The following HDAC4 variants were observed in gnomAD, a reference collection of about 807,000 sequenced individuals.
The protein encoded by HDAC4 is histone deacetylase A.
In HDAC4, 16 loss-of-function variants were observed where a neutral mutation model predicts 135.1. The observed-to-expected ratio is 0.12, with a 90% CI of 0.08 to 0.18. The LOEUF is 0.18. Ranked by LOEUF, HDAC4 falls within the 10% of genes least tolerant of loss-of-function variation. The pLI, the probability that HDAC4 is intolerant of heterozygous loss-of-function variation, is 1.00. For missense variants in HDAC4, 1,143 were observed against 1,511.8 expected (o/e 0.76, Z 4.05); for synonymous variants, 685 against 653.4 (o/e 1.05, Z -0.74).
intron 8 of HDAC4, 150 bp downstream of exon 8, chr2:239,144,433 C>T: frequency 9.4e-7 from 1 of 1,062,560 alleles, no homozygotes; most frequent in Non-Finnish European, 1.4e-6. Context: ...GGGCCTGGCA[C>T]TTCCAGCGCC....
At chr2:239,382,087 A>G (rs1695459760) in intron 1 of HDAC4, among the ~76,000 whole-genome samples, 1 of 152,222 alleles carries the variant, frequency 6.6e-6, no homozygotes, top group Admixed American at 6.5e-5. Flanking sequence ...TGGGATCTCC[A>G]TATTCCTCAG....
In HDAC4 at chr2:239,352,728, T is replaced by C. The variant is rs934605955; in HGVS notation, c.-29A>G. The C allele has an allele frequency of 2.4e-5, 37 of 1,553,424 alleles. No individual in the cohort carries two copies. Among genetic ancestry groups the C allele is most frequent in the Non-Finnish European group, 2.9e-5 (33 of 1,147,164 alleles). On this transcript the variant is annotated 5_prime_UTR_variant, in exon 2 of 27. Transcript: ENST00000543185. This position sits in a 1 kb window ranked among gnomAD's most constrained non-coding sequence, Gnocchi z 4.4. ...TAGCAATGTCCACTCCTTTAAGTGATTCGAAATGGCTCAAAATTTCCACGG... is the reference window on the plus strand; with the variant it reads ...TAGCAATGTCCACTCCTTTAAGTGACTCGAAATGGCTCAAAATTTCCACGG...
chr2:239,107,922 C>A, intron 15 of HDAC4, 128 bp downstream of exon 15: 3 of 1,175,068 alleles, frequency 2.6e-6, no homozygotes, highest in East Asian at 4.9e-5. Flanking sequence ...TGCTTGTGGC[C>A]CTTCCCCCGG....
intron 24 of HDAC4, among the ~76,000 whole-genome samples, chr2:239,062,251 G>C (rs992228733): frequency 2.6e-5 from 4 of 152,276 alleles, no homozygotes; most frequent in African/African-American, 7.2e-5. Flanking sequence ...TAGCGGGGAC[G>C]CCAAGGCCCC....
At chr2:239,087,023 C>A (rs1158093823) in intron 19 of HDAC4, among the ~76,000 whole-genome samples, 2 of 152,152 alleles carry the variant, frequency 1.3e-5, no homozygotes, top group Non-Finnish European at 2.9e-5. Flanking sequence ...GGGATGGATC[C>A]GGGAGGACCC....
chr2:239,131,951 C>A (rs948774058), intron 11 of HDAC4, among the ~76,000 whole-genome samples: 1 of 152,158 alleles, frequency 6.6e-6, no homozygotes, highest in African/African-American at 2.4e-5. Flanking sequence ...GAGGACAGAC[C>A]GGAGGGGAGG....
chr2:239,344,920 C>T (rs1043433885), intron 2 of HDAC4, among the ~76,000 whole-genome samples: 3 of 152,054 alleles, frequency 2.0e-5, no homozygotes, highest in Admixed American at 2.0e-4. Flanking sequence ...CCCTCCTATC[C>T]AGAACCCCCA....
chr2:239,385,180 T>G (rs1156806870), intron 1 of HDAC4, among the ~76,000 whole-genome samples: 1 of 152,132 alleles, frequency 6.6e-6, no homozygotes, highest in Admixed American at 6.5e-5. Context: ...GTGGAGGCCC[T>G]CTCCCCAGCA....
intron 9 of HDAC4, among the ~76,000 whole-genome samples, chr2:239,135,557 C>G (rs1488682313): frequency 1.3e-5 from 2 of 152,254 alleles, no homozygotes; most frequent in African/African-American, 2.4e-5. Context: ...GGGTGAATCA[C>G]AAATCAGTTA....
intron 20 of HDAC4, 116 bp from the exon 21 acceptor site, chr2:239,082,337 G>T: frequency 7.4e-7 from 1 of 1,354,364 alleles, no homozygotes; most frequent in Non-Finnish European, 1.1e-6. Flanking sequence ...GCTCAGGAAT[G>T]ACATTACCCT....
intron 6 of HDAC4, among the ~76,000 whole-genome samples, chr2:239,159,443 C>T (rs2042644666): frequency 6.7e-6 from 1 of 148,898 alleles, no homozygotes; most frequent in African/African-American, 2.5e-5. Flanking sequence ...ACCTCCCGCA[C>T]TCACACCCAT....
At chr2:239,055,051 T>C (rs2031592314) in intron 24 of HDAC4, 3 of 477,078 alleles carry the variant, frequency 6.3e-6, no homozygotes, top group African/African-American at 2.0e-5. Context: ...TATAAGATAT[T>C]TGTGGGTTCC....
At chr2:239,080,825 C>T in intron 22 of HDAC4, 1 of 542,116 alleles carries the variant, frequency 1.8e-6, no homozygotes, top group African/African-American at 1.9e-5. Flanking sequence ...CTGCCTCTGT[C>T]TCCATCACTC....
At chr2:239,199,797 G>A (rs997127680) in intron 3 of HDAC4, among the ~76,000 whole-genome samples, 10 of 151,112 alleles carry the variant, frequency 6.6e-5, no homozygotes, top group East Asian at 5.9e-4. Flanking sequence ...GCAGTGGCAC[G>A]ATCTTGGCTC....
At chr2:239,184,747 T>C (rs113027404) in intron 4 of HDAC4, among the ~76,000 whole-genome samples, 6 of 73,734 alleles carry the variant, frequency 8.1e-5, no homozygotes, top group Admixed American at 3.3e-4. Flanking sequence ...GGAGACTGTG[T>C]CCTATGGTGG....
intron 2 of HDAC4, among the ~76,000 whole-genome samples, chr2:239,260,962 G>A (rs902257586): frequency 1.3e-5 from 2 of 152,152 alleles, no homozygotes; most frequent in African/African-American, 2.4e-5. Flanking sequence ...GGGCACTGGG[G>A]TGGAGACGGA....
intron 1 of HDAC4, among the ~76,000 whole-genome samples, chr2:239,384,751 G>T (rs1462100498): frequency 6.6e-6 from 1 of 152,170 alleles, no homozygotes; most frequent in African/African-American, 2.4e-5. Flanking sequence ...ATACCCCACG[G>T]CTCTGTCCCC....
At chr2:239,208,885 CT>C (rs200214450) in intron 3 of HDAC4, among the ~76,000 whole-genome samples, 1 of 152,096 alleles carries the variant, frequency 6.6e-6, no homozygotes. Context: ...TATTGAAAGA[CT>C]TTTTTTCTTT....
At chr2:239,238,395 A>T (rs1442670860) in intron 2 of HDAC4, among the ~76,000 whole-genome samples, 2 of 152,022 alleles carry the variant, frequency 1.3e-5, no homozygotes, top group Non-Finnish European at 2.9e-5. Flanking sequence ...ATCTCAATGT[A>T]GCTGCAGTTT....
Sources: allele counts gnomAD v4.1 joint callset (sites outside exome capture counted in the v4.1 genomes callset), GRCh38; gene constraint gnomAD v4.1.1; non-coding constraint Gnocchi (gnomAD v3.1); transcripts MANE v1.5; gene names NCBI Gene and HGNC (gene_info 2026-07-23, HGNC 2026-07-21).